The following DLGAP2 variants were observed in gnomAD, a reference collection of about 807,000 sequenced individuals.
DLGAP2 encodes the protein disks large-associated protein 2.
In DLGAP2, 26 loss-of-function variants were observed where a neutral mutation model predicts 100.3. That is an observed-to-expected ratio of 0.26 (90% CI 0.19 to 0.36). DLGAP2 has a LOEUF of 0.36. DLGAP2 is among the 10% of genes least tolerant of loss of function. The pLI is 1.00. For synonymous variants in DLGAP2, 886 were observed against 630.1 expected, an observed-to-expected ratio of 1.41 and a Z score of -6.08; for missense variants, 1,858 against 1,453.2, an observed-to-expected ratio of 1.28 and a Z score of -4.53.
chr8:760,750 G>A (rs192040474), intron 1 of DLGAP2, among the ~76,000 whole-genome samples: 4 of 152,250 alleles, frequency 2.6e-5, no homozygotes, highest in African/African-American at 4.8e-5. Context: ...CTTCGCGAGC[G>A]CCTCCGATTG....
chr8:788,940 C>A (rs966817552), intron 1 of DLGAP2, among the ~76,000 whole-genome samples: 5 of 152,154 alleles, frequency 3.3e-5, no homozygotes, highest in African/African-American at 1.2e-4. Flanking sequence ...GTTCCTGTGC[C>A]CTCAACCGTC....
chr8:1,699,886 T>C (rs907050373), intron 14 of DLGAP2, among the ~76,000 whole-genome samples: 4 of 152,320 alleles, frequency 2.6e-5, no homozygotes, highest in East Asian at 1.9e-4. Flanking sequence ...AGGCTCACAG[T>C]TCAGGGGACA....
chr8:873,528 T>A (rs1214444198), intron 1 of DLGAP2, among the ~76,000 whole-genome samples: 1 of 152,216 alleles, frequency 6.6e-6, no homozygotes, highest in Non-Finnish European at 1.5e-5. Context: ...TGCTTGTTTT[T>A]AATTAATACT....
At chr8:1,553,104 C>T (rs898838583) in intron 5 of DLGAP2, among the ~76,000 whole-genome samples, 6 of 152,166 alleles carry the variant, frequency 3.9e-5, no homozygotes, top group African/African-American at 1.2e-4. Flanking sequence ...AGGCTCCTGG[C>T]GGCATCAGAT....
At chr8:1,077,997 C>A (rs145209230) in intron 2 of DLGAP2, among the ~76,000 whole-genome samples, 342 of 152,272 alleles carry the variant, frequency 2.2e-3, no homozygotes, top group African/African-American at 7.5e-3. Context: ...TGGCTGTTGC[C>A]AGCTCTACAA....
At chr8:1,653,676 G>A (rs1379312925) in intron 8 of DLGAP2, among the ~76,000 whole-genome samples, 1 of 68,662 alleles carries the variant, frequency 1.5e-5, no homozygotes, top group African/African-American at 5.2e-5. Flanking sequence ...TGCTTGGGCT[G>A]TGAACTGCAG....
chr8:1,219,169 T>C (rs1485684211), intron 2 of DLGAP2, among the ~76,000 whole-genome samples: 6 of 152,256 alleles, frequency 3.9e-5, no homozygotes, highest in South Asian at 4.2e-4. Context: ...TGAATAGAAG[T>C]AGTGTGAGAG....
chr8:1,128,747 C>T (rs1294630541), intron 2 of DLGAP2, among the ~76,000 whole-genome samples: 8 of 152,178 alleles, frequency 5.3e-5, no homozygotes, highest in African/African-American at 1.7e-4. Context: ...AAGCATAGAA[C>T]TTAGTGACTT....
At chr8:1,216,574 A>T (rs918283002) in intron 2 of DLGAP2, among the ~76,000 whole-genome samples, 3 of 151,968 alleles carry the variant, frequency 2.0e-5, no homozygotes, top group Admixed American at 6.6e-5. Flanking sequence ...GAGCTCAAGC[A>T]ATCCTCCCAC....
chr8:1,532,996 A>G (rs1389193829), intron 4 of DLGAP2, among the ~76,000 whole-genome samples: 1 of 152,022 alleles, frequency 6.6e-6, no homozygotes, highest in Non-Finnish European at 1.5e-5. Flanking sequence ...ACTTCTGTCT[A>G]CTCTCCTTGC....
At chr8:1,178,950 C>A (rs186283967) in intron 2 of DLGAP2, among the ~76,000 whole-genome samples, 112 of 152,104 alleles carry the variant, frequency 7.4e-4, no homozygotes, top group Non-Finnish European at 1.2e-3. Flanking sequence ...CTGGGGCCCA[C>A]GCCGCCCTGG....
intron 2 of DLGAP2, among the ~76,000 whole-genome samples, chr8:1,097,512 T>G (rs6998503): frequency 0.58 from 53,692 of 92,356 alleles, 16,267 homozygotes; most frequent in Non-Finnish European, 0.69. Flanking sequence ...CATGGAGAGG[T>G]CCCCTCCAGC....
intron 2 of DLGAP2, among the ~76,000 whole-genome samples, chr8:1,028,436 C>T (rs868339174): frequency 8.8e-5 from 13 of 147,350 alleles, no homozygotes; most frequent in African/African-American, 2.5e-4. Context: ...GGGTGTCAGG[C>T]GCCCGTTATT....
In DLGAP2 at chr8:1,303,346, G is replaced by C. The variant is rs903188534; in HGVS notation, c.106+44463G>C. ...CGGGAGGCGGAGCTTGCACAGAGCCGAGATCGCGCCACCGCACTCCAGCCT... is the reference window on the plus strand; with the variant it reads ...CGGGAGGCGGAGCTTGCACAGAGCCCAGATCGCGCCACCGCACTCCAGCCT... On this transcript the variant is annotated intron_variant, in intron 3 of 14. Transcript: ENST00000637795. 2.0e-5 allele frequency among the ~76,000 whole-genome samples: 3 copies of C among 148,530 alleles called. No homozygotes were observed. In the Admixed American group the frequency reaches 2.0e-4, roughly 10 times the overall value.
intron 1 of DLGAP2, among the ~76,000 whole-genome samples, chr8:903,496 G>A (rs1481472788): frequency 6.6e-6 from 1 of 151,774 alleles, no homozygotes; most frequent in Non-Finnish European, 1.5e-5. Flanking sequence ...TAGTAACGAC[G>A]GTCACCATCT....
intron 3 of DLGAP2, among the ~76,000 whole-genome samples, chr8:1,479,200 C>T (rs974353682): frequency 6.6e-6 from 1 of 152,208 alleles, no homozygotes; most frequent in Non-Finnish European, 1.5e-5. Context: ...TGGAGTCAGT[C>T]AGGTCTAACA....
intron 2 of DLGAP2, among the ~76,000 whole-genome samples, chr8:977,001 T>A (rs1169301850): frequency 6.6e-6 from 1 of 152,198 alleles, no homozygotes; most frequent in East Asian, 1.9e-4. Context: ...AATGACAAGC[T>A]ACAGACTGGG....
intron 3 of DLGAP2, chr8:1,299,842 T>C (rs1213500643): frequency 6.6e-6 from 1 of 152,192 alleles, no homozygotes. Context: ...TCAACCCAAA[T>C]GACTTTGTCT....
At chr8:781,627 A>C (rs542729140) in intron 1 of DLGAP2, among the ~76,000 whole-genome samples, 4 of 152,292 alleles carry the variant, frequency 2.6e-5, no homozygotes, top group Non-Finnish European at 2.9e-5. Flanking sequence ...GAGCCCATTA[A>C]CACAAGAGGA....
Sources: allele counts gnomAD v4.1 joint callset (sites outside exome capture counted in the v4.1 genomes callset), GRCh38; gene constraint gnomAD v4.1.1; transcripts MANE v1.5; gene names NCBI Gene and HGNC (gene_info 2026-07-23, HGNC 2026-07-21).